Variants in RGS17 observed in about 807,000 individuals in gnomAD.
RGS17 encodes regulator of G protein signaling 17.
A neutral mutation model predicts 25.5 loss-of-function variants in RGS17; 12 were observed. The ratio of observed to expected loss-of-function variants is 0.47; its 90% confidence interval spans 0.30 to 0.76. The LOEUF (loss-of-function observed/expected upper bound fraction) is 0.76, where lower values mean the gene tolerates loss of function less well. Ranked by LOEUF, RGS17 falls within the 30% of genes least tolerant of loss-of-function variation. RGS17 has a pLI of 0.07. For synonymous variants in RGS17, 71 were observed against 76.9 expected (o/e 0.92, Z 0.40); for missense variants, 196 against 242.2 (o/e 0.81, Z 1.27).
chr6:153,061,919 A>G lies in RGS17; in HGVS notation c.-25-17876T>C, dbSNP rs111649031. Among the ~76,000 whole-genome samples, 1,109 of 152,320 alleles carry G rather than the reference A, an allele frequency of 7.3e-3. 12 individuals are homozygous for G. The highest frequency in any genetic ancestry group is 0.025 in the African/African-American group (1,056 of 41,566). ...TGAGAGCAAACATTATGCTTTCCAA[A>G]GCTACATTCTGTATATTCTGTCTTA... On this transcript the variant is annotated intron_variant, in intron 1 of 4. Coordinates refer to ENST00000206262, the MANE Select transcript of RGS17 (RefSeq NM_012419.5).
intron 1 of RGS17, among the ~76,000 whole-genome samples, chr6:153,072,873 A>G (rs1198688990): frequency 6.6e-6 from 1 of 152,232 alleles, no homozygotes; most frequent in Non-Finnish European, 1.5e-5. Context: ...ATGGTTTATC[A>G]CACACATAAA....
chr6:153,046,600 C>G (rs1224307156), intron 1 of RGS17, among the ~76,000 whole-genome samples: 1 of 151,896 alleles, frequency 6.6e-6, no homozygotes, highest in African/African-American at 2.4e-5. Flanking sequence ...ACACAAATAG[C>G]TATTAAAAGA....
In RGS17 at chr6:153,009,154, A is replaced by G. The variant is rs1047802696; in HGVS notation, c.*2420T>C. ...TTACATTTGGTAAAATATTAAAGAT[A>G]TTGTCAAACAGACAATTCATCTAAT... On this transcript the variant is annotated 3_prime_UTR_variant, in exon 5 of 5. Coordinates refer to ENST00000206262, the MANE Select transcript of RGS17 (RefSeq NM_012419.5). 6 of 152,168 alleles carry G rather than the reference A, an allele frequency of 3.9e-5. No homozygotes were observed. Among genetic ancestry groups the G allele is most frequent in the Non-Finnish European group, 7.4e-5 (5 of 67,990 alleles). The allele number at this position is 152,168 out of a possible 1,614,324, so 9.4% of individuals were successfully genotyped here.
intron 1 of RGS17, among the ~76,000 whole-genome samples, chr6:153,113,227 G>C (rs552952254): frequency 9.9e-5 from 15 of 151,808 alleles, no homozygotes; most frequent in African/African-American, 3.6e-4. Context: ...AGGAATGGAA[G>C]AATATTTACC....
intron 2 of RGS17, among the ~76,000 whole-genome samples, chr6:153,029,509 T>C (rs928981693): frequency 1.3e-5 from 2 of 152,222 alleles, no homozygotes; most frequent in African/African-American, 4.8e-5. Flanking sequence ...ATATGTTATA[T>C]GTGTTTGAGG....
chr6:153,051,881 A>C (rs934096427), intron 1 of RGS17, among the ~76,000 whole-genome samples: 21 of 152,194 alleles, frequency 1.4e-4, no homozygotes, highest in African/African-American at 4.1e-4. Context: ...GCATGGACTG[A>C]ATTAGCTACC....
intron 1 of RGS17, among the ~76,000 whole-genome samples, chr6:153,046,503 AAAAATAAATAATAAAAT>A (rs1776386375): frequency 6.6e-6 from 1 of 151,944 alleles, no homozygotes; most frequent in South Asian, 2.1e-4. Context: ...TTTGTCAATT[AAAAATAAATAATAAAAT>A]AAAATAAATT....
intron 1 of RGS17, among the ~76,000 whole-genome samples, chr6:153,093,139 G>A (rs1375818238): frequency 5.9e-5 from 9 of 152,104 alleles, no homozygotes; most frequent in Admixed American, 2.0e-4. Context: ...TACATCTAGT[G>A]TCTCATTTGA....
Position 153,011,151 on chromosome 6 carries a change from T to C in RGS17, c.*423A>G, listed in dbSNP as rs1779128223. ...TTAAAAAATGCAAACCATGGCCGAT[T>C]TTTTTGGCAATTATTTCTTAAGACC... is the stretch of plus-strand genomic sequence containing the variant. On this transcript the variant is annotated 3_prime_UTR_variant, in exon 5 of 5. Transcript: ENST00000206262. 1 of 156,970 alleles carries C rather than the reference T, an allele frequency of 6.4e-6. No individual in the cohort carries two copies. The highest frequency in any genetic ancestry group is 1.4e-5 in the Non-Finnish European group (1 of 71,268). The allele number at this position is 156,970 out of a possible 1,614,324, so 9.7% of individuals were successfully genotyped here.
intron 4 of RGS17, among the ~76,000 whole-genome samples, chr6:153,018,747 G>C (rs556982256): frequency 6.6e-6 from 1 of 152,296 alleles, no homozygotes; most frequent in Admixed American, 6.5e-5. Context: ...AGTGTCTCTT[G>C]TTTATCATCA....
intron 1 of RGS17, among the ~76,000 whole-genome samples, chr6:153,091,961 C>CT (rs990481134): frequency 1.5e-4 from 23 of 152,124 alleles, no homozygotes; most frequent in African/African-American, 5.3e-4. Context: ...AAGCCACGAG[C>CT]TTTTTAGATA....
chr6:153,011,753 C>G lies in RGS17; in HGVS notation c.454G>C (p.Asp152His). 6.3e-7 allele frequency: 1 copy of G among 1,589,100 alleles called. No individual in the cohort carries two copies. Among genetic ancestry groups the G allele is most frequent in the Non-Finnish European group, 8.5e-7 (1 of 1,173,090 alleles). Residue 152 changes from aspartate to histidine, a missense_variant, in exon 5 of 5, where the codon GAT becomes CAT. By Grantham distance (81) the Asp-to-His change is moderately conservative. This residue lies in a region of RGS17 where 179 missense variants were observed against 197.6 expected (regional missense o/e 0.91). Coordinates refer to ENST00000206262, the MANE Select transcript of RGS17 (RefSeq NM_012419.5). ...SILSPKEVSL[D>H]SRVREVINRN... ...TTGATCACCTCTCTAACTCGAGAAT[C>G]AAGACTGACCTAAAAAGAAACAAGA...
At chr6:153,055,765 C>A (rs376735783) in intron 1 of RGS17, among the ~76,000 whole-genome samples, 1 of 152,134 alleles carries the variant, frequency 6.6e-6, no homozygotes, top group East Asian at 1.9e-4. Flanking sequence ...GTGTACTAAT[C>A]AGAGAAGGTT....
chr6:153,069,596 A>C (rs1171738283), intron 1 of RGS17, among the ~76,000 whole-genome samples: 1 of 152,190 alleles, frequency 6.6e-6, no homozygotes, highest in Non-Finnish European at 1.5e-5. Flanking sequence ...TGTACATTTT[A>C]AAATCACTAA....
At chr6:153,020,111 A>AAAAT (rs1426592195) in intron 4 of RGS17, among the ~76,000 whole-genome samples, 1,717 of 58,082 alleles carry the variant, frequency 0.03, 30 homozygotes, top group East Asian at 0.051. Context: ...AAAAAAAAAA[A>AAAAT]ATATATATAT....
chr6:153,051,720 A>G (rs951716431), intron 1 of RGS17, among the ~76,000 whole-genome samples: 7 of 152,178 alleles, frequency 4.6e-5, no homozygotes, highest in Non-Finnish European at 8.8e-5. Flanking sequence ...TGATGTGAAG[A>G]GGGACTTATC....
At chr6:153,108,589 CCTT>C (rs1159591101) in intron 1 of RGS17, among the ~76,000 whole-genome samples, 7 of 151,794 alleles carry the variant, frequency 4.6e-5, no homozygotes, top group Non-Finnish European at 1.0e-4. Flanking sequence ...GGTGGAATCT[CCTT>C]CTTTTGACCT....
At chr6:153,022,063 C>T (rs1172963796) in intron 4 of RGS17, among the ~76,000 whole-genome samples, 2 of 152,078 alleles carry the variant, frequency 1.3e-5, no homozygotes, top group African/African-American at 4.8e-5. Flanking sequence ...CAGTAATTAG[C>T]CCGGCGTGTT....
At chr6:153,071,446 T>C (rs947853223) in intron 1 of RGS17, among the ~76,000 whole-genome samples, 7 of 152,006 alleles carry the variant, frequency 4.6e-5, no homozygotes, top group African/African-American at 1.4e-4. Context: ...ACTCTATCAA[T>C]GGTGTAGGAC....
Sources: allele counts gnomAD v4.1 joint callset (sites outside exome capture counted in the v4.1 genomes callset), GRCh38; gene constraint gnomAD v4.1.1; regional missense constraint gnomAD v4.1.1; transcripts MANE v1.5; gene names NCBI Gene and HGNC (gene_info 2026-07-23, HGNC 2026-07-21).